Variants in TLK1 observed in about 807,000 individuals in gnomAD.
TLK1 encodes serine/threonine-protein kinase tousled-like 1.
A neutral mutation model predicts 105.3 loss-of-function variants in TLK1; 24 were observed. That is an observed-to-expected ratio of 0.23 (90% CI 0.17 to 0.32). TLK1 has a LOEUF of 0.32. Among genes scored for constraint, TLK1 ranks in the 10% least tolerant of loss-of-function variants. TLK1 has a pLI of 1.00. For missense variants in TLK1, 558 were observed against 910.5 expected, an observed-to-expected ratio of 0.61 and a Z score of 4.98; for synonymous variants, 321 against 310.4, an observed-to-expected ratio of 1.03 and a Z score of -0.36.
intron 1 of TLK1, among the ~76,000 whole-genome samples, chr2:171,148,172 G>A (rs1220602270): frequency 6.6e-6 from 1 of 152,152 alleles, no homozygotes; most frequent in Non-Finnish European, 1.5e-5. Context: ...TTACAGGCAT[G>A]AGCCACCACA....
intron 18 of TLK1, among the ~76,000 whole-genome samples, chr2:170,998,706 C>T (rs746357292): frequency 3.9e-5 from 6 of 152,208 alleles, no homozygotes; most frequent in Admixed American, 6.5e-5. Flanking sequence ...CAAGCACTAG[C>T]AGTGTCTGAA....
At chr2:171,131,695 G>A (rs928977989) in intron 1 of TLK1, among the ~76,000 whole-genome samples, 3 of 151,810 alleles carry the variant, frequency 2.0e-5, no homozygotes, top group Admixed American at 1.3e-4. Context: ...CTTTTTACCC[G>A]TAATCATGAA....
chr2:171,112,394 A>C (rs1431309435), intron 2 of TLK1, among the ~76,000 whole-genome samples: 1 of 152,258 alleles, frequency 6.6e-6, no homozygotes. Context: ...CAACACTGAA[A>C]AAAGACTTTC....
chr2:171,124,639 A>G (rs1272867753), intron 1 of TLK1, among the ~76,000 whole-genome samples: 1 of 152,236 alleles, frequency 6.6e-6, no homozygotes, highest in Non-Finnish European at 1.5e-5. Context: ...CCAATGAATA[A>G]CAATGAATAA....
At chr2:171,098,279 G>A (rs1204705551) in intron 2 of TLK1, among the ~76,000 whole-genome samples, 18 of 151,976 alleles carry the variant, frequency 1.2e-4, no homozygotes. Flanking sequence ...AACTACATGA[G>A]GTGATGAACA....
At chr2:171,180,243 G>C (rs1351453725) in intron 1 of TLK1, among the ~76,000 whole-genome samples, 4 of 151,482 alleles carry the variant, frequency 2.6e-5, no homozygotes, top group African/African-American at 9.7e-5. Context: ...ATTGCCCCCC[G>C]GGTCCCTGCG....
upstream of TLK1, among the ~76,000 whole-genome samples, chr2:171,164,243 T>C (rs1171149073): frequency 2.6e-5 from 4 of 152,222 alleles, no homozygotes; most frequent in African/African-American, 9.6e-5. Flanking sequence ...AATGGGGAGT[T>C]ATTTAAACAA....
intron 14 of TLK1, among the ~76,000 whole-genome samples, chr2:171,010,473 T>C (rs1255598956): frequency 6.6e-6 from 1 of 151,892 alleles, no homozygotes; most frequent in Admixed American, 6.6e-5. Context: ...AGGAAGAAAG[T>C]GTGAGCTAGA....
At chr2:171,056,141 T>A (rs1408546156) in intron 6 of TLK1, among the ~76,000 whole-genome samples, 3 of 152,036 alleles carry the variant, frequency 2.0e-5, no homozygotes, top group African/African-American at 4.8e-5. Context: ...AAGAAAGTTA[T>A]AAATTAGGAA....
chr2:171,076,903 ACT>A (rs1318772925), intron 3 of TLK1, among the ~76,000 whole-genome samples: 1 of 151,312 alleles, frequency 6.6e-6, no homozygotes, highest in Non-Finnish European at 1.5e-5. Context: ...AACGAGTGAG[ACT>A]CTGTCTCAAA....
chr2:171,005,574 C>G (rs1249876640), intron 18 of TLK1, among the ~76,000 whole-genome samples: 1 of 152,082 alleles, frequency 6.6e-6, no homozygotes, highest in Non-Finnish European at 1.5e-5. Flanking sequence ...CTGGTCTCTA[C>G]AAAAAGTTTA....
intron 1 of TLK1, among the ~76,000 whole-genome samples, chr2:171,120,106 G>A (rs1020582201): frequency 6.6e-6 from 1 of 151,796 alleles, no homozygotes; most frequent in Non-Finnish European, 1.5e-5. Context: ...AAAATTAGCC[G>A]AGCGTGGTGG....
chr2:171,014,288 A>G (rs565591432), intron 13 of TLK1, among the ~76,000 whole-genome samples: 2 of 152,356 alleles, frequency 1.3e-5, no homozygotes, highest in South Asian at 4.1e-4. Context: ...AAATAAATTT[A>G]TAATTCCAGA....
intron 1 of TLK1, among the ~76,000 whole-genome samples, chr2:171,123,957 GAAGGC>G (rs1690766806): frequency 6.6e-6 from 1 of 152,208 alleles, no homozygotes; most frequent in Non-Finnish European, 1.5e-5. Flanking sequence ...TCATTACTGG[GAAGGC>G]AGTTATCCAT....
Position 170,991,723 on chromosome 2 carries a change from T to C in TLK1, c.*2057A>G, listed in dbSNP as rs1402169948. 1 of 152,174 alleles carries C rather than the reference T, an allele frequency of 6.6e-6. No individual in the cohort carries two copies. Among genetic ancestry groups the C allele is most frequent in the African/African-American group, 2.4e-5 (1 of 41,434 alleles). 9.4% of individuals were successfully genotyped at this position (152,174 alleles called of 1,614,324 possible). On this transcript the variant is annotated 3_prime_UTR_variant, in exon 21 of 21. Transcript: ENST00000431350. The stretch of plus-strand genomic sequence containing the variant: ...GTTAGATTTACACATTCACTTCGTA[T>C]CTCCCCAAAATTTTAAGCACAACAG...
At chr2:171,039,088 T>C (rs1446149877) in intron 11 of TLK1, among the ~76,000 whole-genome samples, 4 of 152,206 alleles carry the variant, frequency 2.6e-5, no homozygotes, top group Admixed American at 1.3e-4. Context: ...ATTTTTTTTG[T>C]CTTAAATTTT....
intron 1 of TLK1, among the ~76,000 whole-genome samples, chr2:171,132,785 G>C (rs1691155694): frequency 6.6e-6 from 1 of 152,136 alleles, no homozygotes; most frequent in Non-Finnish European, 1.5e-5. Context: ...AGAATCCCTT[G>C]ACCCCAGAGA....
At position 171,160,686 on chromosome 2, in the gene TLK1, G is replaced by A; in HGVS notation, c.-258C>T. On this transcript the variant is annotated 5_prime_UTR_variant, in exon 1 of 21. Transcript: ENST00000431350. This position sits in a 1 kb window ranked among gnomAD's most constrained non-coding sequence, Gnocchi z 4.4. ...CGAGCGGGCGCGCCAGAGGAGAGGA[G>A]GAGGAAAGGAGCGCGGCGGCGGAGG... The A allele has an allele frequency of 1.9e-6, 1 of 525,386 alleles. No individual in the cohort carries two copies. 32.5% of individuals were successfully genotyped at this position (525,386 alleles called of 1,614,324 possible). A position where few individuals can be genotyped will look rare whatever the true frequency, so the allele number is the denominator to read the frequency against.
intron 2 of TLK1, among the ~76,000 whole-genome samples, chr2:171,100,541 T>A (rs898516024): frequency 9.2e-5 from 14 of 152,174 alleles, no homozygotes; most frequent in Admixed American, 2.6e-4. Flanking sequence ...GCCAAGGCCA[T>A]GTCCTTGAAC....
Sources: gnomAD v4.1 joint callset for allele counts (sites outside exome capture counted in the v4.1 genomes callset) on GRCh38, gnomAD v4.1.1 for gene constraint, Gnocchi (gnomAD v3.1) non-coding constraint, MANE v1.5 for transcripts, NCBI Gene and HGNC (gene_info 2026-07-23, HGNC 2026-07-21) for gene names.